Variants in ARAP2 observed in about 807,000 individuals in gnomAD.
The protein encoded by ARAP2 is arf-GAP with Rho-GAP domain, ANK repeat and PH domain-containing protein 2.
In ARAP2, 148 loss-of-function variants were observed where a neutral mutation model predicts 194.5. The observed-to-expected ratio is 0.76, with a 90% CI of 0.67 to 0.87. The LOEUF (loss-of-function observed/expected upper bound fraction) is 0.87, where lower values mean the gene tolerates loss of function less well. ARAP2 is among the 40% of genes least tolerant of loss of function. The pLI is 0.00. For missense variants in ARAP2, 2,128 were observed against 1,989.7 expected, an observed-to-expected ratio of 1.07 and a Z score of -1.32; for synonymous variants, 695 against 683.5, an observed-to-expected ratio of 1.02 and a Z score of -0.26.
chr4:36,178,958 G>C (rs1560602597), intron 8 of ARAP2, among the ~76,000 whole-genome samples: 1 of 152,184 alleles, frequency 6.6e-6, no homozygotes, highest in Non-Finnish European at 1.5e-5. Context: ...ATTTTGAGCA[G>C]AGGTTACCAG....
chr4:36,223,797 G>C, intron 2 of ARAP2, among the ~76,000 whole-genome samples: 1 of 151,978 alleles, frequency 6.6e-6, no homozygotes, highest in East Asian at 1.9e-4. Flanking sequence ...CTGATAGCCA[G>C]TAGAGAGCCG....
At chr4:36,176,722 A>G (rs142932147) in intron 9 of ARAP2, among the ~76,000 whole-genome samples, 233 of 152,278 alleles carry the variant, frequency 1.5e-3, no homozygotes, top group Non-Finnish European at 2.8e-3. Context: ...ATTATTAATA[A>G]GCCAAGAGTG....
At chr4:36,237,661 T>C (rs1332176511) in intron 1 of ARAP2, among the ~76,000 whole-genome samples, 3 of 152,150 alleles carry the variant, frequency 2.0e-5, no homozygotes, top group Non-Finnish European at 4.4e-5. Flanking sequence ...AGAAGCTGAG[T>C]GGATGCCAGC....
intron 3 of ARAP2, among the ~76,000 whole-genome samples, chr4:36,051,412 G>A (rs2109250891): frequency 6.6e-6 from 1 of 152,180 alleles, no homozygotes; most frequent in East Asian, 1.9e-4. Flanking sequence ...GGGAGGCAGA[G>A]GTTACAATGA....
At chr4:36,078,882 A>G (rs571209072) in intron 31 of ARAP2, among the ~76,000 whole-genome samples, 1 of 151,220 alleles carries the variant, frequency 6.6e-6, no homozygotes, top group South Asian at 2.1e-4. Context: ...CCTAAAGTAG[A>G]ACTCGATGTG....
chr4:36,021,410 G>A (rs1026119531), intron 5 of ARAP2, among the ~76,000 whole-genome samples: 13 of 152,168 alleles, frequency 8.5e-5, no homozygotes, highest in African/African-American at 3.1e-4. Flanking sequence ...TGAATCACGG[G>A]AGCAGATTTC....
At chr4:36,190,266 A>G (rs1176245797) in intron 7 of ARAP2, among the ~76,000 whole-genome samples, 2 of 152,212 alleles carry the variant, frequency 1.3e-5, no homozygotes, top group African/African-American at 4.8e-5. Context: ...AATTTAAGCT[A>G]ACAGCAACCT....
In ARAP2 at chr4:36,114,298, A is replaced by G; in HGVS notation, c.4039-11T>C. On this transcript the variant is annotated splice_polypyrimidine_tract_variant and intron_variant, in intron 25 of 32. Coordinates refer to ENST00000303965, the MANE Select transcript of ARAP2 (RefSeq NM_015230.4). Reference sequence around the variant, plus strand: ...CATCACAGGAGATATCTGTAAGAGAAGTAATATTTTTTCAAAAAACGTGTT... The same window carrying G: ...CATCACAGGAGATATCTGTAAGAGAGGTAATATTTTTTCAAAAAACGTGTT... 1 of 1,530,758 alleles carries G rather than the reference A, an allele frequency of 6.5e-7. No individual in the cohort carries two copies. Among genetic ancestry groups the G allele is most frequent in the South Asian group, 1.2e-5 (1 of 85,016 alleles). 94.8% of individuals were successfully genotyped at this position (1,530,758 alleles called of 1,614,324 possible).
chr4:36,151,905 A>G (rs1356297894), intron 15 of ARAP2, among the ~76,000 whole-genome samples: 2 of 152,234 alleles, frequency 1.3e-5, no homozygotes, highest in African/African-American at 4.8e-5. Context: ...AATGTATATG[A>G]GAATTATTTG....
At chr4:36,040,759 G>C (rs1720725612) in intron 5 of ARAP2, among the ~76,000 whole-genome samples, 1 of 152,152 alleles carries the variant, frequency 6.6e-6, no homozygotes, top group Non-Finnish European at 1.5e-5. Flanking sequence ...GGGGTTTCTA[G>C]ATAGGAAATC....
chr4:36,138,851 C>T (rs1335325680), intron 19 of ARAP2, among the ~76,000 whole-genome samples: 1 of 151,726 alleles, frequency 6.6e-6, no homozygotes, highest in Non-Finnish European at 1.5e-5. Context: ...CTTGCCAACA[C>T]TTTGCACTGC....
intron 2 of ARAP2, among the ~76,000 whole-genome samples, chr4:36,056,626 T>C (rs779429464): frequency 2.6e-5 from 4 of 152,220 alleles, no homozygotes; most frequent in Admixed American, 6.5e-5. Flanking sequence ...CTTAGTTTTG[T>C]ATGTAATTAC....
At chr4:36,085,560 T>C (rs1248550033) in intron 28 of ARAP2, among the ~76,000 whole-genome samples, 2 of 152,116 alleles carry the variant, frequency 1.3e-5, no homozygotes, top group Non-Finnish European at 2.9e-5. Context: ...TTCACTTTTA[T>C]ACAAGGATTA....
intron 6 of ARAP2, among the ~76,000 whole-genome samples, chr4:36,018,837 T>C (rs1716364941): frequency 6.6e-6 from 1 of 152,184 alleles, no homozygotes; most frequent in South Asian, 2.1e-4. Flanking sequence ...AAATAATTGG[T>C]AGGATTTCTG....
At chr4:36,156,341 G>GAT in intron 15 of ARAP2, among the ~76,000 whole-genome samples, 1 of 19,034 alleles carries the variant, frequency 5.3e-5, no homozygotes, top group Non-Finnish European at 1.1e-4. Flanking sequence ...GGGAGGGAAA[G>GAT]AGAGAGAGAG....
At position 36,073,787 on chromosome 4, in the gene ARAP2, G is replaced by C. The variant is rs751547009; in HGVS notation, c.4645C>G (p.Arg1549Gly). 4 of 1,612,936 alleles carry C rather than the reference G, an allele frequency of 2.5e-6. No individual in the cohort carries two copies. The African/African-American group carries it at 4.0e-5, about 16-fold the overall frequency. ...YDIWPPAGKE[R>G]KRSITKNPKI... ...GGATTTTTGGTTATTGAACGTTTTC[G>C]TTCCTTTCCAGCTGGTGGCCATATA... Residue 1549 changes from arginine to glycine, a missense_variant, in exon 32 of 33, where the codon CGA (arginine) becomes GGA (glycine). Physicochemically the swap from Arg to Gly is moderately radical, Grantham distance 125. Transcript: ENST00000303965.
intron 6 of ARAP2, among the ~76,000 whole-genome samples, chr4:36,017,418 T>C (rs967593719): frequency 6.0e-5 from 9 of 151,132 alleles, no homozygotes; most frequent in Non-Finnish European, 1.2e-4. Flanking sequence ...GTATGTCAGG[T>C]CATGATGAGA....
intron 12 of ARAP2, 69 bp from the exon 13 acceptor site, chr4:36,160,710 G>A (rs1284215389): frequency 1.7e-6 from 2 of 1,196,192 alleles, no homozygotes; most frequent in Admixed American, 3.8e-5. Context: ...GCAGGAAACT[G>A]AATTATATTA....
chr4:36,118,420 G>A (rs979360632), intron 24 of ARAP2, among the ~76,000 whole-genome samples: 1 of 150,880 alleles, frequency 6.6e-6, no homozygotes, highest in African/African-American at 2.4e-5. Context: ...TACTCCAGAA[G>A]ACAGTTTTAA....
Sources: gnomAD v4.1 joint callset for allele counts (sites outside exome capture counted in the v4.1 genomes callset) on GRCh38, gnomAD v4.1.1 for gene constraint, MANE v1.5 for transcripts, NCBI Gene and HGNC (gene_info 2026-07-23, HGNC 2026-07-21) for gene names.